ZNF830: variants seen among roughly 807,000 people sequenced by gnomAD.
The protein encoded by ZNF830 is coiled-coil domain containing 16.
ZNF830 carries 15 observed loss-of-function variants against 28.1 expected under a neutral mutation model. That is an observed-to-expected ratio of 0.53 (90% CI 0.36 to 0.82). ZNF830 has a LOEUF of 0.82. Among genes scored for constraint, ZNF830 ranks in the 40% least tolerant of loss-of-function variants. ZNF830 has a pLI of 0.01. For synonymous variants in ZNF830, 208 were observed against 185.3 expected (o/e 1.12, Z -0.99); for missense variants, 456 against 467.7 (o/e 0.97, Z 0.23).
chr17:34,962,653 C>T lies in ZNF830; in HGVS notation c.1087C>T (p.Gln363Ter). The change falls in exon 1 of 1, where the codon CAG becomes TAG. Residue 363 changes from glutamine (Q) to a stop codon, truncating the protein, a stop_gained. Transcript: ENST00000361952. LOFTEE classifies it high-confidence loss of function. ...DEGELQDLLS[Q>*]DWRVKGALL Reference sequence around the variant, plus strand: ...GGGGGAACTACAGGATTTGTTGTCTCAGGATTGGAGGGTGAAAGGGGCATT... The same window carrying T: ...GGGGGAACTACAGGATTTGTTGTCTTAGGATTGGAGGGTGAAAGGGGCATT... 6.2e-7 allele frequency: 1 copy of T among 1,609,164 alleles called. No individual in the cohort carries two copies. Among genetic ancestry groups the T allele is most frequent in the Non-Finnish European group, 8.5e-7 (1 of 1,178,214 alleles).
chr17:34,962,559 A>T lies in ZNF830; in HGVS notation c.993A>T (p.Lys331Asn), dbSNP rs1271406188. The T allele has an allele frequency of 1.5e-5, 24 of 1,613,806 alleles. No individual in the cohort carries two copies. Among genetic ancestry groups the T allele is most frequent in the Non-Finnish European group, 2.0e-5 (24 of 1,180,008 alleles). Residue 331 changes from lysine (K) to asparagine (N), a missense_variant, in exon 1 of 1, where the codon AAA becomes AAT. Physicochemically the swap from Lys to Asn is moderately conservative, Grantham distance 94 (BLOSUM62 0). This residue lies in a region of ZNF830 where 125 missense variants were observed against 177.7 expected (regional missense o/e 0.70). Transcript: ENST00000361952. The stretch of plus-strand genomic sequence containing the variant: ...ATCGCCAGGATGAAATAAAAAATAA[A>T]CTTAAAGAAATCCTGACCATAAAAG... ...LRNRQDEIKN[K>N]LKEILTIKEL...
At position 34,962,591 on chromosome 17, in the gene ZNF830, A is replaced by G; in HGVS notation, c.1025A>G (p.Gln342Arg). ...GAAATCCTGACCATAAAAGAACTGC[A>G]GAAAAAGGAAGAAGAGAATGCTGAC... ...LKEILTIKEL[Q>R]KKEEENADSD... Residue 342 changes from glutamine (Q) to arginine (R), a missense_variant, in exon 1 of 1, where the codon CAG becomes CGG. By Grantham distance (43) the Gln-to-Arg change is conservative. Transcript: ENST00000361952. The G allele has an allele frequency of 1.2e-6, 2 of 1,613,884 alleles. No homozygotes were observed. Among genetic ancestry groups the G allele is most frequent in the African/African-American group, 2.7e-5 (2 of 74,978 alleles).
At position 34,963,339 on chromosome 17, in the gene ZNF830, C is replaced by G. The variant is rs1262130068; in HGVS notation, c.*654C>G. ...TCTGAGGCCTTCCCCTTCAATAAATCTGGGATTGGGCCCAGGCAACTGTGT... is the reference window on the plus strand; with the variant it reads ...TCTGAGGCCTTCCCCTTCAATAAATGTGGGATTGGGCCCAGGCAACTGTGT... On this transcript the variant is annotated 3_prime_UTR_variant, in exon 1 of 1. Coordinates refer to ENST00000361952, the MANE Select transcript of ZNF830 (RefSeq NM_052857.4). 6.6e-6 allele frequency: 1 copy of G among 152,440 alleles called. No individual in the cohort carries two copies. The highest frequency in any genetic ancestry group is 1.5e-5 in the Non-Finnish European group (1 of 68,040). The allele number at this position is 152,440 out of a possible 1,614,324, so 9.4% of individuals were successfully genotyped here. A position where few individuals can be genotyped will look rare whatever the true frequency, so the allele number is the denominator to read the frequency against.
In ZNF830 at chr17:34,962,446, G is replaced by T. The variant is rs754318914; in HGVS notation, c.880G>T (p.Glu294Ter). The change falls in exon 1 of 1, where the codon GAA becomes TAA. Residue 294 changes from glutamate to a stop codon, truncating the protein, a stop_gained. Coordinates refer to ENST00000361952, the MANE Select transcript of ZNF830 (RefSeq NM_052857.4). LOFTEE classifies it high-confidence loss of function. Reference sequence around the variant, plus strand: ...CACTATTTCCGAAGCCATAGTTGCCGAAGAGGATGAGGAGGGACGGTTGGA... The same window carrying T: ...CACTATTTCCGAAGCCATAGTTGCCTAAGAGGATGAGGAGGGACGGTTGGA... ...VNTISEAIVA[E>*]EDEEGRLDRQ... is the part of the protein sequence containing the mutation. The T allele has an allele frequency of 1.2e-6, 2 of 1,614,058 alleles. No individual in the cohort carries two copies.
rs2090437357 is a variant in ZNF830 at position 34,963,045 on chromosome 17, C to A, written c.*360C>A. On this transcript the variant is annotated 3_prime_UTR_variant, in exon 1 of 1. Coordinates refer to ENST00000361952, the MANE Select transcript of ZNF830 (RefSeq NM_052857.4). ...ATAGAAAGACCAACCGGCAAACTTT[C>A]AGATGAATGCTTACTGTGGTATTTG... 1 of 187,036 alleles carries A rather than the reference C, an allele frequency of 5.3e-6. No individual in the cohort carries two copies. Among genetic ancestry groups the A allele is most frequent in the Non-Finnish European group, 1.2e-5 (1 of 81,778 alleles). 11.6% of individuals were successfully genotyped at this position (187,036 alleles called of 1,614,324 possible).
In ZNF830 at chr17:34,962,245, G is replaced by A; in HGVS notation, c.679G>A (p.Glu227Lys). ...CATAATTCCTCATTCAGGGTCAATT[G>A]AGAAAGCAGAAATACATGAAAAAGT... ...APIIPHSGSI[E>K]KAEIHEKVVE... Residue 227 changes from glutamate to lysine, a missense_variant, in exon 1 of 1, where the codon GAG (glutamate) becomes AAG (lysine). By Grantham distance (56) the Glu-to-Lys change is moderately conservative. This residue lies in a region of ZNF830 where 331 missense variants were observed against 290.1 expected (regional missense o/e 1.14). Transcript: ENST00000361952. 2.5e-6 allele frequency: 4 copies of A among 1,613,942 alleles called. No homozygotes were observed. Among genetic ancestry groups the A allele is most frequent in the Non-Finnish European group, 3.4e-6 (4 of 1,180,038 alleles).
rs765686126 is a variant in ZNF830, at chr17:34,961,553, G to T, written c.-14G>T. 5 of 1,611,758 alleles carry T rather than the reference G, an allele frequency of 3.1e-6. No homozygotes were observed. The highest frequency in any genetic ancestry group is 1.6e-4 in the Middle Eastern group (1 of 6,074). On this transcript the variant is annotated 5_prime_UTR_variant, in exon 1 of 1. Transcript: ENST00000361952. ...CCGACGGAAACCAGAATCGTTTTGGGTCTGGTCGCCAAGATGGCGTCCTCC... is the reference window on the plus strand; with the variant it reads ...CCGACGGAAACCAGAATCGTTTTGGTTCTGGTCGCCAAGATGGCGTCCTCC...
At position 34,962,730 on chromosome 17, in the gene ZNF830, A is replaced by G. The variant is rs1484733277; in HGVS notation, c.*45A>G. 2 of 1,533,164 alleles carry G rather than the reference A, an allele frequency of 1.3e-6. No individual in the cohort carries two copies. Among genetic ancestry groups the G allele is most frequent in the Admixed American group, 4.5e-5 (2 of 44,780 alleles). The allele number at this position is 1,533,164 out of a possible 1,614,324, so 95.0% of individuals were successfully genotyped here. On this transcript the variant is annotated 3_prime_UTR_variant, in exon 1 of 1. Coordinates refer to ENST00000361952, the MANE Select transcript of ZNF830 (RefSeq NM_052857.4). ...TTCTAACAGCCTCTGCTGTTGTATA[A>G]AAAGTGCTGTCTCTCAGTAGTATAG...
Position 34,962,038 on chromosome 17 carries a change from G to T in ZNF830, c.472G>T (p.Asp158Tyr). 3 of 1,614,112 alleles carry T rather than the reference G, an allele frequency of 1.9e-6. No individual in the cohort carries two copies. The highest frequency in any genetic ancestry group is 2.5e-6 in the Non-Finnish European group (3 of 1,180,024). Reference protein sequence around the residue: ...SKPSGLSLLPDYEDEEEEEEE... With the variant: ...SKPSGLSLLPYYEDEEEEEEE... ...GCCTTCAGGACTCAGTTTACTCCCC[G>T]ATTATGAAGATGAGGAGGAGGAGGA... Residue 158 changes from aspartate (D) to tyrosine (Y), a missense_variant, in exon 1 of 1, where the codon GAT (aspartate) becomes TAT (tyrosine). Coordinates refer to ENST00000361952, the MANE Select transcript of ZNF830 (RefSeq NM_052857.4).
At position 34,961,938 on chromosome 17, in the gene ZNF830, A is replaced by G. The variant is rs761559146; in HGVS notation, c.372A>G (p.Val124=). ...KRAKATLVPQ[V]QPSTSAWTTN... is the part of the protein sequence containing the mutation. ...CGAAGGCCACCTTGGTGCCTCAGGT[A>G]CAGCCCTCCACATCTGCGTGGACCA... Residue 124 remains valine (V), a synonymous_variant, in exon 1 of 1, where the codon GTA becomes GTG. Coordinates refer to ENST00000361952, the MANE Select transcript of ZNF830 (RefSeq NM_052857.4). 5.0e-6 allele frequency: 8 copies of G among 1,614,236 alleles called. No homozygotes were observed. The highest frequency in any genetic ancestry group is 6.8e-6 in the Non-Finnish European group (8 of 1,180,044).
rs1243975341 is a variant in ZNF830, at chr17:34,961,818, C to A, written c.252C>A (p.Gly84=). The A allele has an allele frequency of 1.2e-6, 2 of 1,613,966 alleles. No homozygotes were observed. Among genetic ancestry groups the A allele is most frequent in the Middle Eastern group, 1.6e-4 (1 of 6,062 alleles). The change falls in exon 1 of 1, where the codon GGC becomes GGA. Residue 84 remains glycine, a synonymous_variant. Coordinates refer to ENST00000361952, the MANE Select transcript of ZNF830 (RefSeq NM_052857.4). ...GAGAGAAAGTGGCCGAGCTGAAAGG[C>A]GCGAAGGAAGCCAGCCAGGGTTCGT... The part of the protein sequence containing the change: ...QHREKVAELK[G]AKEASQGSSA...
Position 34,963,500 on chromosome 17 carries a change from TGAAG to T in ZNF830, c.*819_*822del, listed in dbSNP as rs996333139. ...TTCCATAAATTTGCTGTTTCTTGAATGAAGGAAAAAATATTATCTTTTATTTATT... is the reference window on the plus strand; with the variant it reads ...TTCCATAAATTTGCTGTTTCTTGAATGAAAAAATATTATCTTTTATTTATT... On this transcript the variant is annotated 3_prime_UTR_variant, in exon 1 of 1. Transcript: ENST00000361952. The T allele has an allele frequency of 6.6e-6, 1 of 152,230 alleles. No homozygotes were observed. The highest frequency in any genetic ancestry group is 1.5e-5 in the Non-Finnish European group (1 of 68,040). 9.4% of individuals were successfully genotyped at this position (152,230 alleles called of 1,614,324 possible).
At position 34,962,008 on chromosome 17, in the gene ZNF830, A is replaced by G. The variant is rs201167643; in HGVS notation, c.442A>G (p.Ser148Gly). ...AAAGGAGTTCATTAGAGCGACTCCC[A>G]GTAAGCCTTCAGGACTCAGTTTACT... ...IGKEFIRATP[S>G]KPSGLSLLPD... The change falls in exon 1 of 1, where the codon AGT becomes GGT. Residue 148 changes from serine (S) to glycine (G), a missense_variant. Ser to Gly is a moderately conservative substitution (Grantham distance 56). Transcript: ENST00000361952. 3.3e-5 allele frequency: 54 copies of G among 1,614,072 alleles called. No individual in the cohort carries two copies. Among genetic ancestry groups the G allele is most frequent in the East Asian group, 2.2e-5 (1 of 44,888 alleles).
Position 34,962,561 on chromosome 17 carries a change from T to C in ZNF830, c.995T>C (p.Leu332Pro), listed in dbSNP as rs1342974764. 9 of 1,613,570 alleles carry C rather than the reference T, an allele frequency of 5.6e-6. No individual in the cohort carries two copies. The highest frequency in any genetic ancestry group is 6.8e-6 in the Non-Finnish European group (8 of 1,179,924). The change falls in exon 1 of 1, where the codon CTT (leucine) becomes CCT (proline). Residue 332 changes from leucine to proline, a missense_variant. Physicochemically the swap from Leu to Pro is moderately conservative, Grantham distance 98. Coordinates refer to ENST00000361952, the MANE Select transcript of ZNF830 (RefSeq NM_052857.4). ...CGCCAGGATGAAATAAAAAATAAACTTAAAGAAATCCTGACCATAAAAGAA... is the reference window on the plus strand; with the variant it reads ...CGCCAGGATGAAATAAAAAATAAACCTAAAGAAATCCTGACCATAAAAGAA... ...RNRQDEIKNK[L>P]KEILTIKELQ...
In ZNF830 at chr17:34,961,942, C is replaced by T. The variant is rs1203024025; in HGVS notation, c.376C>T (p.Pro126Ser). ...AKATLVPQVQ[P>S]STSAWTTNFD... ...GGCCACCTTGGTGCCTCAGGTACAG[C>T]CCTCCACATCTGCGTGGACCACCAA... The change falls in exon 1 of 1, where the codon CCC (proline) becomes TCC (serine). Residue 126 changes from proline to serine, a missense_variant. Coordinates refer to ENST00000361952, the MANE Select transcript of ZNF830 (RefSeq NM_052857.4). The T allele has an allele frequency of 6.8e-6, 11 of 1,614,076 alleles. No individual in the cohort carries two copies. Among genetic ancestry groups the T allele is most frequent in the Non-Finnish European group, 8.5e-6 (10 of 1,180,048 alleles).
Position 34,961,555 on chromosome 17 carries a change from C to T in ZNF830, c.-12C>T. ...GACGGAAACCAGAATCGTTTTGGGT[C>T]TGGTCGCCAAGATGGCGTCCTCCGC... On this transcript the variant is annotated 5_prime_UTR_variant, in exon 1 of 1. Transcript: ENST00000361952. 3.1e-6 allele frequency: 5 copies of T among 1,611,838 alleles called. No individual in the cohort carries two copies. The highest frequency in any genetic ancestry group is 4.2e-6 in the Non-Finnish European group (5 of 1,178,560).
In ZNF830 at chr17:34,961,826, A is replaced by C; in HGVS notation, c.260A>C (p.Glu87Ala). The C allele has an allele frequency of 6.2e-7, 1 of 1,613,964 alleles. No individual in the cohort carries two copies. The highest frequency in any genetic ancestry group is 1.1e-5 in the South Asian group (1 of 91,056). The change falls in exon 1 of 1, where the codon GAA becomes GCA. Residue 87 changes from glutamate to alanine, a missense_variant. Glu to Ala is a moderately radical substitution (Grantham distance 107). Transcript: ENST00000361952. Reference protein sequence around the residue: ...EKVAELKGAKEASQGSSASSA... With the variant: ...EKVAELKGAKAASQGSSASSA... The stretch of plus-strand genomic sequence containing the variant: ...GTGGCCGAGCTGAAAGGCGCGAAGG[A>C]AGCCAGCCAGGGTTCGTCCGCCAGT...
chr17:34,962,826 T>G lies in ZNF830; in HGVS notation c.*141T>G. 7.1e-7 allele frequency: 1 copy of G among 1,403,704 alleles called. No homozygotes were observed. The highest frequency in any genetic ancestry group is 1.8e-5 in the South Asian group (1 of 56,204). The allele number at this position is 1,403,704 out of a possible 1,614,324, so 87.0% of individuals were successfully genotyped here. A position where few individuals can be genotyped will look rare whatever the true frequency, so the allele number is the denominator to read the frequency against. On this transcript the variant is annotated 3_prime_UTR_variant, in exon 1 of 1. Coordinates refer to ENST00000361952, the MANE Select transcript of ZNF830 (RefSeq NM_052857.4). The stretch of plus-strand genomic sequence containing the variant: ...GGATTGTTGAGATAAAATGAGCCAG[T>G]GAGCTACAGCACTTTGGAAAATTTG...
chr17:34,962,577 CA>C lies in ZNF830; in HGVS notation c.1012del (p.Ile338Ter). 6.2e-7 allele frequency: 1 copy of C among 1,613,764 alleles called. No individual in the cohort carries two copies. The highest frequency in any genetic ancestry group is 8.5e-7 in the Non-Finnish European group (1 of 1,179,952). On this transcript the variant is annotated frameshift_variant, in exon 1 of 1. Transcript: ENST00000361952. LOFTEE classifies it high-confidence loss of function. ...AAAATAAACTTAAAGAAATCCTGAC[CA>C]TAAAAGAACTGCAGAAAAAGGAAGA... ...IKNKLKEILT[I>X]KELQKKEEEN...
Sources: allele counts gnomAD v4.1 joint callset, GRCh38; gene constraint gnomAD v4.1.1; regional missense constraint gnomAD v4.1.1; transcripts MANE v1.5; gene names NCBI Gene and HGNC (gene_info 2026-07-23, HGNC 2026-07-21).